Variants in FUBP3 observed in about 807,000 individuals in gnomAD.
The protein encoded by FUBP3 is far upstream element binding protein 3.
In FUBP3, 28 loss-of-function variants were observed where a neutral mutation model predicts 85.6. The ratio of observed to expected loss-of-function variants is 0.33; its 90% CI spans 0.24 to 0.45. The LOEUF is 0.45. Ranked by LOEUF, FUBP3 falls within the 20% of genes least tolerant of loss-of-function variation. The pLI is 1.00. For synonymous variants in FUBP3, 271 were observed against 271.4 expected, an observed-to-expected ratio of 1.00 and a Z score of 0.01; for missense variants, 583 against 755.1, an observed-to-expected ratio of 0.77 and a Z score of 2.67.
At chr9:130,619,112 G>A (rs902331028) in intron 8 of FUBP3, among the ~76,000 whole-genome samples, 4 of 152,154 alleles carry the variant, frequency 2.6e-5, no homozygotes, top group East Asian at 1.9e-4. Flanking sequence ...GCCTGTGGGC[G>A]GCCACAGAGT....
At chr9:130,596,561 C>A in intron 2 of FUBP3, 1 of 281,120 alleles carries the variant, frequency 3.6e-6, no homozygotes, top group Non-Finnish European at 7.2e-6. Context: ...TCTGCTCAGG[C>A]TAGAGTGCAG....
intron 8 of FUBP3, among the ~76,000 whole-genome samples, 199 bp from the exon 9 acceptor site, chr9:130,620,155 T>G (rs1047410645): frequency 1.3e-5 from 2 of 152,276 alleles, no homozygotes; most frequent in Admixed American, 1.3e-4. Flanking sequence ...CGTGTGGACA[T>G]TTGGGCAGTG....
chr9:130,613,279 C>A (rs1262439342), intron 5 of FUBP3, among the ~76,000 whole-genome samples: 10 of 152,244 alleles, frequency 6.6e-5, no homozygotes, highest in Admixed American at 6.5e-4. Context: ...CCTTCCCAAA[C>A]ACCTGCCACT....
chr9:130,597,727 T>C (rs1830940494), intron 2 of FUBP3, among the ~76,000 whole-genome samples: 1 of 152,194 alleles, frequency 6.6e-6, no homozygotes, highest in Non-Finnish European at 1.5e-5. Flanking sequence ...GGAGAACAGC[T>C]TGGAGAAAAA....
intron 2 of FUBP3, among the ~76,000 whole-genome samples, chr9:130,605,910 G>A (rs2119055773): frequency 6.6e-6 from 1 of 152,300 alleles, no homozygotes; most frequent in East Asian, 1.9e-4. Flanking sequence ...CACGAACCCG[G>A]GAGGCGGAGG....
At chr9:130,592,385 ACT>A (rs1383387394) in intron 1 of FUBP3, among the ~76,000 whole-genome samples, 1 of 151,860 alleles carries the variant, frequency 6.6e-6, no homozygotes, top group African/African-American at 2.4e-5. Context: ...TTCTAACAAA[ACT>A]CTAATTACAA....
chr9:130,585,464 G>T (rs1028958934), intron 1 of FUBP3, among the ~76,000 whole-genome samples: 1 of 152,206 alleles, frequency 6.6e-6, no homozygotes, highest in African/African-American at 2.4e-5. Flanking sequence ...TTGCCTGTAA[G>T]CCGATGCATG....
chr9:130,623,518 G>A (rs140357695), intron 10 of FUBP3, 93 bp from the exon 11 acceptor site: 80 of 834,526 alleles, frequency 9.6e-5, no homozygotes, highest in Non-Finnish European at 1.4e-4. Context: ...TTTTGGCACC[G>A]CGGGTGAGAA....
At chr9:130,630,574 C>T (rs1830170237) in intron 12 of FUBP3, 54 bp from the exon 13 acceptor site, 4 of 1,444,576 alleles carry the variant, frequency 2.8e-6, no homozygotes, top group South Asian at 1.3e-5. Flanking sequence ...CCCAGAGCCT[C>T]AGGAGTTGCC....
chr9:130,604,984 A>C (rs1482683041), intron 2 of FUBP3, among the ~76,000 whole-genome samples: 2 of 152,136 alleles, frequency 1.3e-5, no homozygotes, highest in African/African-American at 4.8e-5. Context: ...GACATATTAA[A>C]ACACATATGT....
At chr9:130,632,146 G>A in intron 15 of FUBP3, 56 bp from the exon 16 acceptor site, 2 of 1,501,104 alleles carry the variant, frequency 1.3e-6, no homozygotes, top group South Asian at 1.1e-5. Flanking sequence ...TGAAGAGGGA[G>A]ACGACAGGGG....
chr9:130,614,791 G>T (rs1030075790), intron 6 of FUBP3, among the ~76,000 whole-genome samples: 16 of 152,164 alleles, frequency 1.1e-4, no homozygotes, highest in African/African-American at 3.9e-4. Context: ...TCAACTCTTC[G>T]TGACTTTGCT....
rs777858358 is a variant in FUBP3 at position 130,626,466 on chromosome 9, A to G, written c.1078A>G (p.Thr360Ala). The G allele has an allele frequency of 7.4e-6, 12 of 1,614,098 alleles. No individual in the cohort carries two copies. The highest frequency in any genetic ancestry group is 1.0e-5 in the Non-Finnish European group (12 of 1,180,006). Residue 360 changes from threonine (T) to alanine (A), a missense_variant, in exon 12 of 19, where the codon ACG becomes GCG. By Grantham distance (58) the Thr-to-Ala change is moderately conservative. This residue lies in a region of FUBP3 where 404 missense variants were observed against 516.8 expected (regional missense o/e 0.78). Transcript: ENST00000319725. ...APGGVQEITY[T>A]VPADKCGLVI... Reference sequence around the variant, plus strand: ...TGGTGGCGTCCAGGAGATAACATACACGGTGCCAGCCGATAAGTGTGGCCT... The same window carrying G: ...TGGTGGCGTCCAGGAGATAACATACGCGGTGCCAGCCGATAAGTGTGGCCT...
In FUBP3 at chr9:130,631,573, C is replaced by T. The variant is rs1564226855; in HGVS notation, c.1295C>T (p.Ala432Val). ...CCCCCACAGGGGACCAATCTCGGAG[C>T]ACCTGGAGCCTTCGGACAGAGTCCA... ...DEKVGGTNLG[A>V]PGAFGQSPFS... Residue 432 changes from alanine (A) to valine (V), a missense_variant, in exon 14 of 19, where the codon GCA becomes GTA. Physicochemically the swap from Ala to Val is moderately conservative, Grantham distance 64 (BLOSUM62 0). This residue lies in a region of FUBP3 where 404 missense variants were observed against 516.8 expected (regional missense o/e 0.78). Transcript: ENST00000319725. 2 of 1,613,880 alleles carry T rather than the reference C, an allele frequency of 1.2e-6. No homozygotes were observed. Among genetic ancestry groups the T allele is most frequent in the South Asian group, 1.1e-5 (1 of 91,070 alleles).
Position 130,623,594 on chromosome 9 carries a change from C to G in FUBP3, c.875-17C>G. The G allele has an allele frequency of 6.5e-7, 1 of 1,530,798 alleles. No homozygotes were observed. Among genetic ancestry groups the G allele is most frequent in the Non-Finnish European group, 9.1e-7 (1 of 1,104,902 alleles). 94.8% of individuals were successfully genotyped at this position (1,530,798 alleles called of 1,614,324 possible). On this transcript the variant is annotated splice_polypyrimidine_tract_variant and intron_variant, in intron 10 of 18. Transcript: ENST00000319725. ...GTTGGGCTTTTTTCTAATCCTGTCT[C>G]TCACCTGGCTCCTCAGATGATGGGA...
intron 2 of FUBP3, among the ~76,000 whole-genome samples, chr9:130,598,799 T>C (rs1176802347): frequency 6.6e-6 from 1 of 152,208 alleles, no homozygotes. Context: ...CCTTAAAATC[T>C]TCAGTGTGAG....
Position 130,616,538 on chromosome 9 carries a change from G to A in FUBP3, c.567+21G>A. On this transcript the variant is annotated intron_variant, in intron 7 of 18. Coordinates refer to ENST00000319725, the MANE Select transcript of FUBP3 (RefSeq NM_003934.2). This position sits in a 1 kb window ranked among gnomAD's most constrained non-coding sequence, Gnocchi z 4.7. The stretch of plus-strand genomic sequence containing the variant: ...TGCAGGTGTGTGAGCCCGGAGCACG[G>A]AGCACAGCGGCCGCTCGCAGCAGGT... The A allele has an allele frequency of 6.2e-7, 1 of 1,612,764 alleles. No homozygotes were observed. Among genetic ancestry groups the A allele is most frequent in the South Asian group, 1.1e-5 (1 of 90,996 alleles).
intron 13 of FUBP3, 138 bp downstream of exon 13, chr9:130,630,926 G>T (rs1223690952): frequency 7.2e-6 from 5 of 691,314 alleles, no homozygotes; most frequent in Admixed American, 8.1e-5. Context: ...GCCCCCTCCT[G>T]CTTTGCCGAA....
intron 2 of FUBP3, among the ~76,000 whole-genome samples, chr9:130,600,601 T>A (rs75964088): frequency 0.03 from 4,501 of 151,908 alleles, 209 homozygotes; most frequent in African/African-American, 0.1. Flanking sequence ...GCTCAGGTGA[T>A]CCTCCCACCT....
Sources: allele counts gnomAD v4.1 joint callset (sites outside exome capture counted in the v4.1 genomes callset), GRCh38; gene constraint gnomAD v4.1.1; regional missense constraint gnomAD v4.1.1; non-coding constraint Gnocchi (gnomAD v3.1); transcripts MANE v1.5; gene names NCBI Gene and HGNC (gene_info 2026-07-23, HGNC 2026-07-21).